HHLA1: variants seen among roughly 807,000 people sequenced by gnomAD.
HHLA1 encodes HERV-H LTR-associating protein 1.
Under a neutral mutation model 69.9 loss-of-function variants are expected in HHLA1, and 72 were observed. That is an observed-to-expected ratio of 1.03 (90% confidence interval 0.85 to 1.25). The LOEUF is 1.25. Ranked by LOEUF, HHLA1 falls within the 50% of genes most tolerant of loss-of-function variation. The pLI is 0.00. For missense variants in HHLA1, 685 were observed against 642.2 expected (o/e 1.07, Z -0.72); for synonymous variants, 252 against 233.2 (o/e 1.08, Z -0.73).
chr8:132,078,623 G>A (rs1823687198), intron 11 of HHLA1, among the ~76,000 whole-genome samples: 1 of 152,058 alleles, frequency 6.6e-6, no homozygotes, highest in Non-Finnish European at 1.5e-5. Flanking sequence ...CTATGCCGGG[G>A]TAGGAGCCCT....
Position 132,095,580 on chromosome 8 carries a change from G to A in HHLA1, c.387C>T (p.Asp129=), listed in dbSNP as rs2130894960. ...AATACCTTGTGGGGAATTTGGCGGG[G>A]TCTACTGTCTTCAGGTTAGAAACTG... ...VYNISNLKTV[D]PAKFPTRYCY... The change falls in exon 7 of 17, where the codon GAC becomes GAT. Residue 129 remains aspartate (D), a synonymous_variant. Coordinates refer to ENST00000414222, the MANE Select transcript of HHLA1 (RefSeq NM_001145095.3). The A allele has an allele frequency of 1.9e-6, 3 of 1,549,220 alleles. No homozygotes were observed. The highest frequency in any genetic ancestry group is 2.6e-6 in the Non-Finnish European group (3 of 1,144,650).
At chr8:132,077,362 C>T (rs954082873) in intron 12 of HHLA1, among the ~76,000 whole-genome samples, 13 of 151,636 alleles carry the variant, frequency 8.6e-5, no homozygotes, top group Admixed American at 7.9e-4. Context: ...GGTGGAGGGG[C>T]GAGGTGAGGC....
At chr8:132,107,023 C>T (rs1824212442) in intron 1 of HHLA1, among the ~76,000 whole-genome samples, 1 of 152,168 alleles carries the variant, frequency 6.6e-6, no homozygotes, top group African/African-American at 2.4e-5. Flanking sequence ...GTGCTTAGTA[C>T]AATCTCTGGA....
intron 15 of HHLA1, among the ~76,000 whole-genome samples, chr8:132,067,378 G>T (rs1371786212): frequency 6.6e-6 from 1 of 152,208 alleles, no homozygotes. Flanking sequence ...TCATTAAAGA[G>T]TCTACTAGAG....
chr8:132,070,015 G>GGGGGGGGGGT, intron 15 of HHLA1: 2 of 23,592 alleles, frequency 8.5e-5, no homozygotes. Context: ...TACTGACGGG[G>GGGGGGGGGGT]GGGGGGGGGA....
chr8:132,079,401 T>G (rs1586726995), intron 11 of HHLA1, among the ~76,000 whole-genome samples: 1 of 152,398 alleles, frequency 6.6e-6, no homozygotes, highest in East Asian at 1.9e-4. Flanking sequence ...GACATTAGCA[T>G]TGAAGGAGGC....
At chr8:132,104,401 T>C (rs972315750) in intron 2 of HHLA1, among the ~76,000 whole-genome samples, 3 of 152,182 alleles carry the variant, frequency 2.0e-5, no homozygotes, top group Non-Finnish European at 2.9e-5. Flanking sequence ...CTAGGCATTG[T>C]GTGTGCTGGA....
rs1020846661 is a variant in HHLA1, at chr8:132,083,341, G to A, written c.677-3375C>T. On this transcript the variant is annotated intron_variant, in intron 10 of 16. Transcript: ENST00000414222. ...CGTCAATACCCACAACAGTTATGGA[G>A]GCAAGGGAAACAGGCCCTTGAAAAG... Among the ~76,000 whole-genome samples the A allele has an allele frequency of 1.1e-3, 162 of 152,150 alleles. 2 individuals carry two copies. The highest frequency in any genetic ancestry group is 5.9e-4 in the Non-Finnish European group (40 of 67,986).
At chr8:132,064,834 A>G (rs922687943) in intron 16 of HHLA1, among the ~76,000 whole-genome samples, 1 of 152,208 alleles carries the variant, frequency 6.6e-6, no homozygotes, top group Non-Finnish European at 1.5e-5. Context: ...GAAGTTTCTA[A>G]GAAGTGTTGA....
At chr8:132,085,819 T>C (rs1357349043) in intron 10 of HHLA1, among the ~76,000 whole-genome samples, 8 of 138,040 alleles carry the variant, frequency 5.8e-5, no homozygotes, top group African/African-American at 1.9e-4. Flanking sequence ...TTTCACAAGG[T>C]AATGTCATCA....
chr8:132,109,345 A>G lies in HHLA1; in HGVS notation c.-22+1757T>C, dbSNP rs370181558. On this transcript the variant is annotated intron_variant, in intron 1 of 16. Transcript: ENST00000414222. The stretch of plus-strand genomic sequence containing the variant: ...CTTGATCTACCGGCCTCGGTCTCCC[A>G]AAGTGCTTGGATTGCAGGCGTGAGC... Among the ~76,000 whole-genome samples the G allele has an allele frequency of 1.2e-3, 181 of 152,324 alleles. 4 individuals are homozygous for G. The South Asian group carries it at 0.036, about 31-fold the overall frequency.
At chr8:132,110,171 C>T (rs566210594) in intron 1 of HHLA1, among the ~76,000 whole-genome samples, 12 of 152,266 alleles carry the variant, frequency 7.9e-5, no homozygotes, top group South Asian at 2.1e-4. Context: ...AATTACAGTG[C>T]GCTGTGGAGA....
chr8:132,094,275 C>A (rs1323487711), intron 7 of HHLA1, among the ~76,000 whole-genome samples: 1 of 152,198 alleles, frequency 6.6e-6, no homozygotes, highest in African/African-American at 2.4e-5. Context: ...TCGTATTTAA[C>A]AAGCAGCCAG....
At chr8:132,094,722 A>T (rs1318998078) in intron 7 of HHLA1, among the ~76,000 whole-genome samples, 1 of 152,058 alleles carries the variant, frequency 6.6e-6, no homozygotes, top group Non-Finnish European at 1.5e-5. Flanking sequence ...CACACCATGT[A>T]CTTGCAGTAC....
intron 5 of HHLA1, among the ~76,000 whole-genome samples, chr8:132,097,446 T>C (rs921194739): frequency 6.6e-6 from 1 of 152,174 alleles, no homozygotes; most frequent in African/African-American, 2.4e-5. Context: ...CCTCAACGTC[T>C]GCATCTAGAA....
chr8:132,087,524 C>T (rs188315574), intron 10 of HHLA1, 129 bp downstream of exon 10: 24 of 613,266 alleles, frequency 3.9e-5, no homozygotes, highest in East Asian at 1.4e-4. Flanking sequence ...TTTAAAATGA[C>T]GAAGTTCTCT....
At chr8:132,107,737 T>C (rs1340333332) in intron 1 of HHLA1, among the ~76,000 whole-genome samples, 1 of 152,252 alleles carries the variant, frequency 6.6e-6, no homozygotes, top group African/African-American at 2.4e-5. Context: ...TTAAGGTTGT[T>C]AGATTTAACA....
At chr8:132,084,969 T>C (rs4736539) in intron 10 of HHLA1, among the ~76,000 whole-genome samples, 139,200 of 151,332 alleles carry the variant, frequency 0.92, 64,193 homozygotes, top group Middle Eastern at 0.96. Context: ...GAAAGTGGGA[T>C]GTGCCGCTAA....
intron 8 of HHLA1, among the ~76,000 whole-genome samples, chr8:132,089,005 G>A (rs186046024): frequency 1.3e-5 from 2 of 152,264 alleles, no homozygotes; most frequent in African/African-American, 4.8e-5. Context: ...ACCAGTTGTT[G>A]GACTGTTGAA....
Sources: gnomAD v4.1 joint callset for allele counts (sites outside exome capture counted in the v4.1 genomes callset) on GRCh38, gnomAD v4.1.1 for gene constraint, MANE v1.5 for transcripts, NCBI Gene and HGNC (gene_info 2026-07-23, HGNC 2026-07-21) for gene names.